Variants in ATP8A2 observed in about 807,000 individuals in gnomAD.
ATP8A2 encodes the protein phospholipid-transporting ATPase IB.
ATP8A2 carries 100 observed loss-of-function variants against 165.6 expected under a neutral mutation model. The ratio of observed to expected loss-of-function variants is 0.60; its 90% CI spans 0.51 to 0.71. ATP8A2 has a LOEUF of 0.71. Among genes scored for constraint, ATP8A2 ranks in the 30% least tolerant of loss-of-function variants. ATP8A2 has a pLI of 0.00. For missense variants in ATP8A2, 1,227 were observed against 1,479.5 expected (o/e 0.83, Z 2.80); for synonymous variants, 543 against 548.8 (o/e 0.99, Z 0.15).
At chr13:25,384,246 A>T (rs1385578398) in intron 1 of ATP8A2, among the ~76,000 whole-genome samples, 1 of 152,126 alleles carries the variant, frequency 6.6e-6, no homozygotes, top group Non-Finnish European at 1.5e-5. Context: ...GTTTTTAATG[A>T]TATATCTATC....
intron 27 of ATP8A2, among the ~76,000 whole-genome samples, chr13:25,778,105 G>A (rs2044783449): frequency 6.6e-6 from 1 of 152,086 alleles, no homozygotes; most frequent in African/African-American, 2.4e-5. Flanking sequence ...TCACAGGGGG[G>A]TTTCCTGCAA....
At chr13:25,963,406 AAAAAG>A (rs1555297794) in intron 34 of ATP8A2, among the ~76,000 whole-genome samples, 94 of 135,930 alleles carry the variant, frequency 6.9e-4, no homozygotes, top group Admixed American at 1.1e-3. Flanking sequence ...AAAAAAAAAA[AAAAAG>A]AAAAGAAAAG....
intron 23 of ATP8A2, among the ~76,000 whole-genome samples, chr13:25,587,039 C>T (rs538152337): frequency 6.6e-6 from 1 of 152,218 alleles, no homozygotes; most frequent in Admixed American, 6.5e-5. Flanking sequence ...CAGAGGTTCT[C>T]CTCTCAGTCA....
chr13:25,870,715 T>C (rs1952651488), intron 33 of ATP8A2, among the ~76,000 whole-genome samples: 1 of 152,274 alleles, frequency 6.6e-6, no homozygotes, highest in South Asian at 2.1e-4. Flanking sequence ...ACTTTGTGAC[T>C]ATGGAAAGCA....
intron 33 of ATP8A2, among the ~76,000 whole-genome samples, chr13:25,930,290 G>C (rs1272676744): frequency 6.6e-6 from 1 of 152,194 alleles, no homozygotes; most frequent in African/African-American, 2.4e-5. Flanking sequence ...TTAGAACCCA[G>C]ATACCTGCTA....
At chr13:25,375,871 G>A (rs992873648) in intron 1 of ATP8A2, among the ~76,000 whole-genome samples, 2 of 152,010 alleles carry the variant, frequency 1.3e-5, no homozygotes, top group African/African-American at 2.4e-5. Flanking sequence ...GTTTGGACCA[G>A]GACTACAAAC....
intron 27 of ATP8A2, among the ~76,000 whole-genome samples, chr13:25,798,526 T>G (rs1593363475): frequency 6.6e-6 from 1 of 152,102 alleles, no homozygotes; most frequent in Admixed American, 6.5e-5. Flanking sequence ...TAAAAAAAAG[T>G]AAAAAGCCCA....
intron 2 of ATP8A2, among the ~76,000 whole-genome samples, chr13:25,473,761 C>T (rs2035913666): frequency 6.6e-6 from 1 of 152,140 alleles, no homozygotes. Context: ...TATAAATAGC[C>T]TCATATCCTT....
intron 24 of ATP8A2, among the ~76,000 whole-genome samples, chr13:25,650,536 T>C (rs1382212057): frequency 6.6e-6 from 1 of 152,210 alleles, no homozygotes; most frequent in Non-Finnish European, 1.5e-5. Flanking sequence ...CCTATCTAGC[T>C]TACTAGAACC....
chr13:25,815,012 C>T (rs1218446984), intron 27 of ATP8A2, among the ~76,000 whole-genome samples: 5 of 151,014 alleles, frequency 3.3e-5, no homozygotes, highest in East Asian at 3.9e-4. Context: ...CCAGCCTGGG[C>T]GGCAGAGTGA....
intron 2 of ATP8A2, among the ~76,000 whole-genome samples, chr13:25,507,306 C>T (rs534689585): frequency 6.6e-6 from 1 of 150,960 alleles, no homozygotes; most frequent in Non-Finnish European, 1.5e-5. Flanking sequence ...TGTTCTGTCA[C>T]CCAGGCTGGA....
At chr13:25,499,130 G>A (rs979023328) in intron 2 of ATP8A2, among the ~76,000 whole-genome samples, 2 of 152,104 alleles carry the variant, frequency 1.3e-5, no homozygotes, top group African/African-American at 4.8e-5. Context: ...CCTATATTCT[G>A]GCCTAATTAC....
chr13:25,383,143 T>G (rs2032915001), intron 1 of ATP8A2, among the ~76,000 whole-genome samples: 1 of 151,688 alleles, frequency 6.6e-6, no homozygotes, highest in Non-Finnish European at 1.5e-5. Context: ...CCTCCCGGGT[T>G]CAAGAGATTC....
At chr13:25,978,501 T>C (rs1269827422) in intron 35 of ATP8A2, among the ~76,000 whole-genome samples, 1 of 152,212 alleles carries the variant, frequency 6.6e-6, no homozygotes, top group Non-Finnish European at 1.5e-5. Context: ...CATTTCTCAA[T>C]GAGCCTCTCC....
intron 25 of ATP8A2, among the ~76,000 whole-genome samples, chr13:25,729,844 GA>G (rs1001044988): frequency 7.2e-5 from 11 of 152,142 alleles, no homozygotes; most frequent in Non-Finnish European, 1.0e-4. Flanking sequence ...TAACGTGGGG[GA>G]AAAAAATAGC....
chr13:25,826,028 G>T (rs940019936), intron 27 of ATP8A2, among the ~76,000 whole-genome samples: 16 of 152,280 alleles, frequency 1.1e-4, no homozygotes, highest in African/African-American at 3.8e-4. Flanking sequence ...GAGATCCATT[G>T]TGCAGTGTGG....
At chr13:25,558,811 A>C (rs1214964220) in intron 13 of ATP8A2, among the ~76,000 whole-genome samples, 162 bp from the exon 14 acceptor site, 2 of 152,230 alleles carry the variant, frequency 1.3e-5, no homozygotes, top group Non-Finnish European at 2.9e-5. Flanking sequence ...TAAGTGGTCT[A>C]AGCATTAAAA....
rs143146442 is a variant in ATP8A2 at position 25,878,852 on chromosome 13, C to T, written c.3183+16444C>T. 2.4e-3 allele frequency among the ~76,000 whole-genome samples: 359 copies of T among 152,286 alleles called. 3 individuals carry two copies. The highest frequency in any genetic ancestry group is 5.2e-3 in the Admixed American group (80 of 15,298). ...ACGTCCATCACCACTTCCCCAGGCA[C>T]AGGAGCTTAAAACCATCAGCTGCCT... is the stretch of plus-strand genomic sequence containing the variant. On this transcript the variant is annotated intron_variant, in intron 33 of 36. Transcript: ENST00000381655.
chr13:25,827,842 C>T (rs893240791), intron 27 of ATP8A2, among the ~76,000 whole-genome samples: 1 of 152,204 alleles, frequency 6.6e-6, no homozygotes, highest in African/African-American at 2.4e-5. Context: ...GATACCAAAC[C>T]TATTAAATGC....
Sources: allele counts gnomAD v4.1 joint callset (sites outside exome capture counted in the v4.1 genomes callset), GRCh38; gene constraint gnomAD v4.1.1; transcripts MANE v1.5; gene names NCBI Gene and HGNC (gene_info 2026-07-23, HGNC 2026-07-21).